The following ECE1 variants were observed in gnomAD, a reference collection of about 807,000 sequenced individuals.
The protein encoded by ECE1 is endothelin converting enzyme 1.
A neutral mutation model predicts 98.6 loss-of-function variants in ECE1; 35 were observed. The ratio of observed to expected loss-of-function variants is 0.35; its 90% CI spans 0.27 to 0.47. The LOEUF (loss-of-function observed/expected upper bound fraction) is 0.47. Ranked by LOEUF, ECE1 falls within the 20% of genes least tolerant of loss-of-function variation. ECE1 has a pLI of 1.00. For synonymous variants in ECE1, 394 were observed against 407.1 expected (o/e 0.97, Z 0.39); for missense variants, 814 against 1,025.3 (o/e 0.79, Z 2.81).
Position 21,260,312 on chromosome 1 carries a change from C to G in ECE1, c.574G>C (p.Glu192Gln). The change falls in exon 5 of 19, where the codon GAG (glutamate) becomes CAG (glutamine). Residue 192 changes from glutamate (E) to glutamine (Q), a missense_variant. Glu to Gln is a conservative substitution (Grantham distance 29). Transcript: ENST00000374893. This position sits in a 1 kb window ranked among gnomAD's most constrained non-coding sequence, Gnocchi z 4.3. Reference protein sequence around the residue: ...YRACMNETRIEELRAKPLMEL... With the variant: ...YRACMNETRIQELRAKPLMEL... ...ATTAGAGGTTTGGCCCTGAGCTCCT[C>G]GATCCTGGTCTCGTTCATGCACGCA... is the stretch of plus-strand genomic sequence containing the variant. 1 of 1,614,260 alleles carries G rather than the reference C, an allele frequency of 6.2e-7. No individual in the cohort carries two copies. The highest frequency in any genetic ancestry group is 8.5e-7 in the Non-Finnish European group (1 of 1,180,046).
intron 2 of ECE1, among the ~76,000 whole-genome samples, chr1:21,282,588 GAAAA>G (rs34279756): frequency 2.5e-5 from 3 of 120,220 alleles, no homozygotes; most frequent in Admixed American, 9.1e-5. Flanking sequence ...ACGCTGTCTT[GAAAA>G]AAAAAAAAAA....
chr1:21,316,473 CA>C (rs1353623321), intron 1 of ECE1, among the ~76,000 whole-genome samples: 3 of 151,978 alleles, frequency 2.0e-5, no homozygotes, highest in Admixed American at 1.3e-4. Context: ...GGGGTTTCAC[CA>C]TGTTGGCCAG....
At chr1:21,278,435 G>A (rs982539259) in intron 3 of ECE1, among the ~76,000 whole-genome samples, 2 of 152,344 alleles carry the variant, frequency 1.3e-5, no homozygotes, top group Admixed American at 6.5e-5. Context: ...GCTGGATCTG[G>A]AAGGGCAGCT....
Position 21,247,283 on chromosome 1 carries a change from A to G in ECE1, c.1101T>C (p.Ile367=). 6.2e-7 allele frequency: 1 copy of G among 1,614,144 alleles called. No individual in the cohort carries two copies. Among genetic ancestry groups the G allele is most frequent in the Non-Finnish European group, 8.5e-7 (1 of 1,180,032 alleles). The change falls in exon 9 of 19, where the codon ATT becomes ATC. Residue 367 remains isoleucine (I), a synonymous_variant. Transcript: ENST00000374893. Reference sequence around the variant, plus strand: ...CAAGGTATTCCTTGTCATAGACCACAATAGGCTCGGATTCATTGATCTCCA... The same window carrying G: ...CAAGGTATTCCTTGTCATAGACCACGATAGGCTCGGATTCATTGATCTCCA... ...YPVEINESEP[I]VVYDKEYLEQ... is the part of the protein sequence containing the mutation.
At chr1:21,257,652 C>T in intron 6 of ECE1, 62 bp from the exon 7 acceptor site, 1 of 1,566,884 alleles carries the variant, frequency 6.4e-7, no homozygotes, top group Non-Finnish European at 8.8e-7. Context: ...CACTGCACGG[C>T]CTCCTGCCCT....
At chr1:21,292,471 C>T (rs536733391), upstream of ECE1, among the ~76,000 whole-genome samples, 2 of 152,324 alleles carry the variant, frequency 1.3e-5, no homozygotes, top group African/African-American at 4.8e-5. Context: ...TCAAATGTCC[C>T]AGGAACCCTA....
intron 1 of ECE1, among the ~76,000 whole-genome samples, chr1:21,312,391 A>T (rs1638747320): frequency 6.6e-6 from 1 of 151,772 alleles, no homozygotes; most frequent in African/African-American, 2.4e-5. Context: ...GTGAGCTGTG[A>T]TTGCATCCCT....
chr1:21,241,735 T>A (rs1259288949), intron 10 of ECE1, among the ~76,000 whole-genome samples: 1 of 152,148 alleles, frequency 6.6e-6, no homozygotes, highest in African/African-American at 2.4e-5. Flanking sequence ...TGAGGTGGAA[T>A]TTGAACTCAG....
At chr1:21,297,617 T>C (rs1347634044) in intron 1 of ECE1, among the ~76,000 whole-genome samples, 2 of 149,898 alleles carry the variant, frequency 1.3e-5, no homozygotes, top group Non-Finnish European at 3.0e-5. Context: ...CTGTAACCTC[T>C]GCCTCCTGGG....
intron 1 of ECE1, among the ~76,000 whole-genome samples, chr1:21,330,017 C>A (rs1424440847): frequency 6.6e-6 from 1 of 152,062 alleles, no homozygotes; most frequent in Non-Finnish European, 1.5e-5. Context: ...TCTGCTACTA[C>A]TAGCTTTGCC....
intron 1 of ECE1, among the ~76,000 whole-genome samples, chr1:21,325,536 C>T (rs1048024574): frequency 5.9e-5 from 9 of 152,250 alleles, no homozygotes; most frequent in African/African-American, 2.2e-4. Flanking sequence ...ACAAGCAAAA[C>T]ACACTCAGCC....
In ECE1 at chr1:21,258,015, G is replaced by C. The variant is rs2098222080; in HGVS notation, c.763-425C>G. 6.6e-6 allele frequency among the ~76,000 whole-genome samples: 1 copy of C among 152,218 alleles called. No individual in the cohort carries two copies. Among genetic ancestry groups the C allele is most frequent in the South Asian group, 2.1e-4 (1 of 4,832 alleles). ...AAACCTAACCTTCAGAGCTAGAATG[G>C]GGATTCAAGAAGACAGTGCTGGTCA... On this transcript the variant is annotated intron_variant, in intron 6 of 18. Coordinates refer to ENST00000374893, the MANE Select transcript of ECE1 (RefSeq NM_001397.3). The surrounding 1 kb of genome is among the most constrained non-coding windows in gnomAD (Gnocchi z 4.2).
In ECE1 at chr1:21,270,523, C is replaced by T. The variant is rs535024898; in HGVS notation, c.493+2176G>A. ...CACTAGCCTATCATGAGGACCTCTC[C>T]GGATCTCGCTTTCCTCATCTACCAA... On this transcript the variant is annotated intron_variant, in intron 4 of 18. Coordinates refer to ENST00000374893, the MANE Select transcript of ECE1 (RefSeq NM_001397.3). 7.9e-5 allele frequency among the ~76,000 whole-genome samples: 12 copies of T among 152,354 alleles called. No homozygotes were observed. In the South Asian group the frequency reaches 2.1e-3, roughly 26 times the overall value.
upstream of ECE1, chr1:21,293,252 A>G (rs563361295): frequency 6.6e-6 from 1 of 152,290 alleles, no homozygotes; most frequent in East Asian, 1.9e-4. Flanking sequence ...GTCTCATTTC[A>G]GAGATTTCCC....
At position 21,225,533 on chromosome 1, in the gene ECE1, C is replaced by T. The variant is rs913272302; in HGVS notation, c.1850-93G>A. ...TGCTCCTGGTGAGAAGCGGTTCATC[C>T]GTCCACCCCCGTCCTCCAGCCACCA... On this transcript the variant is annotated intron_variant, in intron 16 of 18. Transcript: ENST00000374893. This position sits in a 1 kb window ranked among gnomAD's most constrained non-coding sequence, Gnocchi z 5.3. 101 of 1,403,684 alleles carry T rather than the reference C, an allele frequency of 7.2e-5. 1 individual carries two copies. Among genetic ancestry groups the T allele is most frequent in the Non-Finnish European group, 7.2e-5 (74 of 1,027,544 alleles). The allele number at this position is 1,403,684 out of a possible 1,614,324, so 87.0% of individuals were successfully genotyped here. A position where few individuals can be genotyped will look rare whatever the true frequency, so the allele number is the denominator to read the frequency against.
intron 1 of ECE1, among the ~76,000 whole-genome samples, chr1:21,304,647 G>A (rs528969697): frequency 1.5e-4 from 23 of 152,312 alleles, no homozygotes; most frequent in African/African-American, 4.3e-4. Flanking sequence ...AGCCACCTCC[G>A]AGGATGAGAC....
Position 21,258,990 on chromosome 1 carries a change from C to T in ECE1, c.616-151G>A, listed in dbSNP as rs1455184505. The T allele has an allele frequency of 2.6e-5, 30 of 1,158,432 alleles. No individual in the cohort carries two copies. Among genetic ancestry groups the T allele is most frequent in the Middle Eastern group, 2.9e-4 (1 of 3,444 alleles). The allele number at this position is 1,158,432 out of a possible 1,614,324, so 71.8% of individuals were successfully genotyped here. ...AGCAAAGGAAAGGATTGGTCTTCAT[C>T]GGGGGTTTCCGACCCATGAGCTGGA... On this transcript the variant is annotated intron_variant, in intron 5 of 18. Coordinates refer to ENST00000374893, the MANE Select transcript of ECE1 (RefSeq NM_001397.3). The surrounding 1 kb of genome is among the most constrained non-coding windows in gnomAD (Gnocchi z 4.2).
chr1:21,225,355 C>A lies in ECE1; in HGVS notation c.1935G>T (p.Met645Ile). The A allele has an allele frequency of 6.2e-7, 1 of 1,614,236 alleles. No homozygotes were observed. The highest frequency in any genetic ancestry group is 1.3e-5 in the African/African-American group (1 of 75,064). Residue 645 changes from methionine to isoleucine, a missense_variant, in exon 17 of 19, where the codon ATG becomes ATT. Physicochemically the swap from Met to Ile is conservative, Grantham distance 10. Transcript: ENST00000374893. The surrounding 1 kb of genome is among the most constrained non-coding windows in gnomAD (Gnocchi z 5.3). ...VEAFKRQTECMVEQYSNYSVN... is the reference protein window; with the variant it reads ...VEAFKRQTECIVEQYSNYSVN... Reference sequence around the variant, plus strand: ...CGCTGTAGTTGCTGTACTGCTCTACCATGCACTCGGTCTGACGCTTGAAGG... The same window carrying A: ...CGCTGTAGTTGCTGTACTGCTCTACAATGCACTCGGTCTGACGCTTGAAGG...
At chr1:21,277,232 A>G (rs2098248482) in intron 3 of ECE1, among the ~76,000 whole-genome samples, 2 of 152,232 alleles carry the variant, frequency 1.3e-5, no homozygotes, top group Admixed American at 1.3e-4. Context: ...AGAGAGGGAC[A>G]CAACAGAGGC....
Sources: allele counts gnomAD v4.1 joint callset (sites outside exome capture counted in the v4.1 genomes callset), GRCh38; gene constraint gnomAD v4.1.1; non-coding constraint Gnocchi (gnomAD v3.1); transcripts MANE v1.5; gene names NCBI Gene and HGNC (gene_info 2026-07-23, HGNC 2026-07-21).